PTK2: variants seen among roughly 807,000 people sequenced by gnomAD.
PTK2 encodes the protein protein tyrosine kinase 2.
Under a neutral mutation model 150.1 loss-of-function variants are expected in PTK2, and 45 were observed. The observed-to-expected ratio is 0.30, with a 90% CI of 0.24 to 0.38. PTK2 has a LOEUF of 0.38. PTK2 is among the 10% of genes least tolerant of loss of function. The pLI is 1.00. For missense variants in PTK2, 919 were observed against 1,307.3 expected, an observed-to-expected ratio of 0.70 and a Z score of 4.58; for synonymous variants, 432 against 449.2, an observed-to-expected ratio of 0.96 and a Z score of 0.48.
intron 5 of PTK2, among the ~76,000 whole-genome samples, chr8:140,854,154 T>C (rs1045821465): frequency 3.9e-5 from 6 of 152,230 alleles, no homozygotes; most frequent in Admixed American, 6.5e-5. Flanking sequence ...GCAACTCCTT[T>C]TGTCAAGGAA....
At chr8:140,830,640 G>A (rs4246128) in intron 7 of PTK2, 114 bp from the exon 8 acceptor site, 317,064 of 625,954 alleles carry the variant, frequency 0.51, 84,861 homozygotes, top group African/African-American at 0.79. Context: ...ATATTATTTA[G>A]GAAGGAAACA....
chr8:140,924,538 A>C (rs995975178), intron 2 of PTK2, among the ~76,000 whole-genome samples: 2 of 152,146 alleles, frequency 1.3e-5, no homozygotes, highest in Admixed American at 6.5e-5. Context: ...GACGGCAAAG[A>C]GAATTTGTTT....
chr8:140,945,072 G>A (rs1346038182), intron 1 of PTK2, among the ~76,000 whole-genome samples: 1 of 152,052 alleles, frequency 6.6e-6, no homozygotes, highest in Non-Finnish European at 1.5e-5. Flanking sequence ...TCCTGTTGTC[G>A]TTCATCTTGT....
chr8:140,690,716 TACAAACATGGAACC>T (rs1457744342), intron 26 of PTK2, among the ~76,000 whole-genome samples: 6 of 152,226 alleles, frequency 3.9e-5, no homozygotes, highest in Non-Finnish European at 8.8e-5. Context: ...AATGTATGTT[TACAAACATGGAACC>T]ACAACATATG....
At chr8:140,794,493 C>A (rs887280562) in intron 12 of PTK2, among the ~76,000 whole-genome samples, 1 of 152,038 alleles carries the variant, frequency 6.6e-6, no homozygotes, top group African/African-American at 2.4e-5. Flanking sequence ...TAATCAGTTC[C>A]CCCCCACCCC....
At chr8:140,965,795 C>T (rs921269997) in intron 1 of PTK2, among the ~76,000 whole-genome samples, 5 of 152,108 alleles carry the variant, frequency 3.3e-5, no homozygotes, top group Non-Finnish European at 7.4e-5. Flanking sequence ...GAGAATCACT[C>T]GAATCCAGGA....
At chr8:140,999,745 A>G (rs995532460) in intron 1 of PTK2, among the ~76,000 whole-genome samples, 1 of 152,182 alleles carries the variant, frequency 6.6e-6, no homozygotes, top group Non-Finnish European at 1.5e-5. Context: ...TTTCCCAAAT[A>G]AAATATTAAG....
chr8:140,671,760 A>C (rs56960837), intron 29 of PTK2, among the ~76,000 whole-genome samples: 284 of 38,006 alleles, frequency 7.5e-3, no homozygotes, highest in South Asian at 0.028. Flanking sequence ...AAAAATACCC[A>C]AAAAAAAAAA....
intron 13 of PTK2, 144 bp downstream of exon 13, chr8:140,793,210 T>C (rs2100089567): frequency 2.1e-6 from 2 of 935,176 alleles, no homozygotes; most frequent in Non-Finnish European, 3.1e-6. Context: ...TAAAACTGAC[T>C]TGATTTCTTT....
chr8:140,924,338 A>T (rs1406764472), intron 2 of PTK2, among the ~76,000 whole-genome samples: 1 of 151,992 alleles, frequency 6.6e-6, no homozygotes, highest in East Asian at 1.9e-4. Flanking sequence ...TTTTATTCCC[A>T]CAGCACTTAT....
At chr8:140,857,556 G>C (rs1429855189) in intron 5 of PTK2, among the ~76,000 whole-genome samples, 1 of 152,106 alleles carries the variant, frequency 6.6e-6, no homozygotes, top group Admixed American at 6.5e-5. Context: ...TACATTACTG[G>C]GGTCACAAGA....
intron 10 of PTK2, 115 bp from the exon 11 acceptor site, chr8:140,803,765 G>T: frequency 1.1e-6 from 1 of 939,958 alleles, no homozygotes; most frequent in Non-Finnish European, 1.6e-6. Flanking sequence ...TAAGACTGGA[G>T]GTCTGGGGAA....
intron 1 of PTK2, among the ~76,000 whole-genome samples, chr8:140,947,240 T>G (rs1427465623): frequency 2.6e-5 from 4 of 152,146 alleles, no homozygotes. Context: ...CACTCCTTCT[T>G]AGGAGATGAC....
intron 7 of PTK2, among the ~76,000 whole-genome samples, chr8:140,832,085 C>T (rs986837287): frequency 2.2e-4 from 34 of 152,156 alleles, no homozygotes; most frequent in African/African-American, 8.0e-4. Context: ...GACTGAGTCT[C>T]GCTTTGTCAC....
chr8:140,803,812 C>T (rs903889793), intron 10 of PTK2, among the ~76,000 whole-genome samples, 162 bp from the exon 11 acceptor site: 2 of 152,156 alleles, frequency 1.3e-5, no homozygotes, highest in African/African-American at 4.8e-5. Flanking sequence ...GGGGAGCAGC[C>T]ATGAGACTGT....
At chr8:140,664,021 T>C (rs1198050624) in intron 31 of PTK2, among the ~76,000 whole-genome samples, 1 of 152,168 alleles carries the variant, frequency 6.6e-6, no homozygotes, top group Non-Finnish European at 1.5e-5. Context: ...AGTCTCACTC[T>C]GTTGCAGGCT....
chr8:140,727,171 T>A (rs974576526), intron 22 of PTK2, among the ~76,000 whole-genome samples: 3 of 152,196 alleles, frequency 2.0e-5, no homozygotes, highest in Non-Finnish European at 4.4e-5. Context: ...AGTGCCAAAT[T>A]GTGCACTTTG....
rs565524041 is a variant in PTK2 at position 140,819,091 on chromosome 8, G to A, written c.649-71C>T. ...GTAAAGACCACAACAATAATGGTAA[G>A]ATTTCTTTCCTACCAACTACTTACT... On this transcript the variant is annotated intron_variant, in intron 8 of 31. Coordinates refer to ENST00000522684, the Ensembl canonical transcript of PTK2. 6.0e-6 allele frequency: 9 copies of A among 1,493,958 alleles called. No individual in the cohort carries two copies. The Admixed American group carries it at 1.9e-4, about 32-fold the overall frequency. 92.5% of individuals were successfully genotyped at this position (1,493,958 alleles called of 1,614,324 possible). A position where few individuals can be genotyped will look rare whatever the true frequency, so the allele number is the denominator to read the frequency against.
At chr8:140,954,766 TGAA>T (rs1206729658) in intron 1 of PTK2, 2 of 152,204 alleles carry the variant, frequency 1.3e-5, no homozygotes, top group African/African-American at 4.8e-5. Context: ...ACAATAACTC[TGAA>T]GAAATCAAAT....
Sources: gnomAD v4.1 joint callset for allele counts (sites outside exome capture counted in the v4.1 genomes callset) on GRCh38, gnomAD v4.1.1 for gene constraint, MANE v1.5 for transcripts, NCBI Gene and HGNC (gene_info 2026-07-23, HGNC 2026-07-21) for gene names.